Variants in RASEF observed in about 807,000 individuals in gnomAD.
RASEF encodes RAS and EF-hand domain containing, also known as ras and EF-hand domain-containing protein.
A neutral mutation model predicts 90.1 loss-of-function variants in RASEF; 68 were observed. That is an observed-to-expected ratio of 0.75 (90% CI 0.62 to 0.92). The LOEUF is 0.92. RASEF is among the 40% of genes least tolerant of loss of function. The pLI is 0.00. For missense variants in RASEF, 949 were observed against 937.2 expected (o/e 1.01, Z -0.16); for synonymous variants, 331 against 345.2 (o/e 0.96, Z 0.46).
the RASEF span, among the ~76,000 whole-genome samples, chr9:83,160,719 T>C: frequency 2.0e-5 from 3 of 151,956 alleles, no homozygotes; most frequent in Admixed American, 6.6e-5. Context: ...ATGTCAGAGG[T>C]CTTCACAGCA....
the RASEF span, among the ~76,000 whole-genome samples, chr9:83,156,004 T>A: frequency 6.6e-6 from 1 of 152,190 alleles, no homozygotes; most frequent in Non-Finnish European, 1.5e-5. Context: ...TCCTTTACCC[T>A]GACTGAAAAC....
intron 2 of RASEF, 68 bp from the exon 3 acceptor site, chr9:83,022,494 G>T: frequency 8.7e-7 from 1 of 1,150,766 alleles, no homozygotes; most frequent in Non-Finnish European, 1.3e-6. Context: ...AGAAACTTCA[G>T]ATTCATCTAC....
intron 1 of RASEF, among the ~76,000 whole-genome samples, chr9:83,028,985 G>A (rs1829594903): frequency 6.6e-6 from 1 of 152,138 alleles, no homozygotes; most frequent in Non-Finnish European, 1.5e-5. Context: ...ACAGGCCCCA[G>A]AAGAAACCAA....
At chr9:83,031,384 T>C (rs551232602) in intron 1 of RASEF, among the ~76,000 whole-genome samples, 10 of 152,360 alleles carry the variant, frequency 6.6e-5, no homozygotes, top group Non-Finnish European at 8.8e-5. Flanking sequence ...TAGATATTTA[T>C]TGATCACCTT....
At chr9:83,192,509 A>C in the RASEF span, among the ~76,000 whole-genome samples, 1 of 152,338 alleles carries the variant, frequency 6.6e-6, no homozygotes, top group East Asian at 1.9e-4. Context: ...AAATGATGAG[A>C]GCATGTGGAC....
the RASEF span, among the ~76,000 whole-genome samples, chr9:83,179,823 C>T: frequency 2.0e-5 from 3 of 152,054 alleles, no homozygotes; most frequent in Non-Finnish European, 4.4e-5. Flanking sequence ...CACACACGTA[C>T]AGTGACTACC....
the RASEF span, among the ~76,000 whole-genome samples, chr9:83,149,263 G>A: frequency 1.3e-5 from 2 of 152,204 alleles, no homozygotes; most frequent in Admixed American, 6.5e-5. Context: ...CTGTCCTCAG[G>A]CTACTTAGAA....
chr9:83,085,585 G>A, the RASEF span, among the ~76,000 whole-genome samples: 2 of 151,798 alleles, frequency 1.3e-5, no homozygotes, highest in Non-Finnish European at 2.9e-5. Flanking sequence ...AGTGGGCCCT[G>A]ATTATGTGAC....
At chr9:83,008,919 T>TC (rs1829185336) in intron 6 of RASEF, among the ~76,000 whole-genome samples, 1 of 128,604 alleles carries the variant, frequency 7.8e-6, no homozygotes, top group Admixed American at 7.7e-5. Context: ...TATATATATA[T>TC]ATATATATAT....
intron 12 of RASEF, 143 bp downstream of exon 12, chr9:83,000,026 C>T (rs1460023874): frequency 2.2e-6 from 1 of 454,620 alleles, no homozygotes; most frequent in African/African-American, 3.0e-5. Flanking sequence ...CACACACACA[C>T]ACACACACAC....
the RASEF span, among the ~76,000 whole-genome samples, chr9:83,113,337 G>A: frequency 3.9e-5 from 6 of 152,122 alleles, no homozygotes; most frequent in Non-Finnish European, 5.9e-5. Flanking sequence ...ATCTTCATAA[G>A]GTGAGAATGT....
intron 6 of RASEF, 105 bp downstream of exon 6, chr9:83,009,536 T>G (rs572751304): frequency 5.4e-6 from 3 of 555,038 alleles, no homozygotes; most frequent in Admixed American, 3.1e-5. Flanking sequence ...AAGAAGATAT[T>G]AGCAAAGTTA....
At chr9:83,135,662 G>C in the RASEF span, among the ~76,000 whole-genome samples, 1 of 152,084 alleles carries the variant, frequency 6.6e-6, no homozygotes. Context: ...ATTGTCTACT[G>C]ATGGATAATC....
the RASEF span, among the ~76,000 whole-genome samples, chr9:83,162,781 A>T: frequency 6.6e-6 from 1 of 152,212 alleles, no homozygotes; most frequent in Non-Finnish European, 1.5e-5. Context: ...ACTGCCAGGC[A>T]GGAAAATCTG....
At chr9:83,112,905 G>T in the RASEF span, among the ~76,000 whole-genome samples, 3 of 151,994 alleles carry the variant, frequency 2.0e-5, no homozygotes, top group Non-Finnish European at 4.4e-5. Flanking sequence ...TTTATCACTA[G>T]GTGGTAGAAT....
At chr9:83,133,810 G>A in the RASEF span, among the ~76,000 whole-genome samples, 1 of 152,188 alleles carries the variant, frequency 6.6e-6, no homozygotes, top group Admixed American at 6.5e-5. Context: ...CCCTTTCCCT[G>A]AGGTTCCAAT....
At chr9:83,109,802 C>G in the RASEF span, among the ~76,000 whole-genome samples, 1 of 152,110 alleles carries the variant, frequency 6.6e-6, no homozygotes, top group African/African-American at 2.4e-5. Flanking sequence ...TGTACATTTC[C>G]TCCCAGACGC....
chr9:83,027,328 A>G (rs547420041), intron 1 of RASEF, among the ~76,000 whole-genome samples: 165 of 152,248 alleles, frequency 1.1e-3, no homozygotes, highest in African/African-American at 3.8e-3. Context: ...TCTCCTCCCC[A>G]GAGGTCAGGG....
rs983798042 is a variant in RASEF at position 83,004,483 on chromosome 9, G to A, written c.1202+15C>T. ...ATTCTGAACTTGAACAGAAAGTTAA[G>A]ACGAGTTAACATACCTGTCATAGCC... On this transcript the variant is annotated intron_variant, in intron 9 of 16. Transcript: ENST00000376447. The A allele has an allele frequency of 1.0e-5, 15 of 1,501,978 alleles. No individual in the cohort carries two copies. Among genetic ancestry groups the A allele is most frequent in the Non-Finnish European group, 1.4e-5 (15 of 1,078,594 alleles). 93.0% of individuals were successfully genotyped at this position (1,501,978 alleles called of 1,614,324 possible).
Sources: allele counts gnomAD v4.1 joint callset (sites outside exome capture counted in the v4.1 genomes callset), GRCh38; gene constraint gnomAD v4.1.1; transcripts MANE v1.5; gene names NCBI Gene and HGNC (gene_info 2026-07-23, HGNC 2026-07-21).